The following FRMD6 variants were observed in gnomAD, a reference collection of about 807,000 sequenced individuals.
The protein encoded by FRMD6 is FERM domain containing 6, also known as FERM domain-containing protein 6.
Under a neutral mutation model 73.2 loss-of-function variants are expected in FRMD6, and 37 were observed. The observed-to-expected ratio is 0.51, with a 90% CI of 0.39 to 0.66. The LOEUF is 0.66. Ranked by LOEUF, FRMD6 falls within the 30% of genes least tolerant of loss-of-function variation. FRMD6 has a pLI of 0.00. For missense variants in FRMD6, 714 were observed against 780.5 expected, an observed-to-expected ratio of 0.91 and a Z score of 1.02; for synonymous variants, 273 against 282.2, an observed-to-expected ratio of 0.97 and a Z score of 0.33.
intron 2 of FRMD6, among the ~76,000 whole-genome samples, chr14:51,615,685 G>A (rs1036911313): frequency 6.6e-6 from 1 of 152,150 alleles, no homozygotes; most frequent in African/African-American, 2.4e-5. Flanking sequence ...TCAAGGAGCT[G>A]ATATTTGAAA....
intron 2 of FRMD6, among the ~76,000 whole-genome samples, chr14:51,641,601 C>T (rs1408993153): frequency 1.3e-5 from 2 of 152,046 alleles, no homozygotes; most frequent in African/African-American, 2.4e-5. Flanking sequence ...TCTTTAGGTC[C>T]CAAAGACATG....
the FRMD6 span, among the ~76,000 whole-genome samples, chr14:51,399,970 A>G: frequency 6.6e-6 from 1 of 152,052 alleles, no homozygotes; most frequent in Admixed American, 6.5e-5. Context: ...CCTTTTTTAA[A>G]AAAAGTTTTA....
At chr14:51,683,447 T>A (rs1865823574) in intron 1 of FRMD6, among the ~76,000 whole-genome samples, 1 of 56,116 alleles carries the variant, frequency 1.8e-5, no homozygotes, top group African/African-American at 8.6e-5. Flanking sequence ...GCTCAGCTAT[T>A]TTTTTTTTTT....
chr14:51,462,335 G>A, the FRMD6 span, among the ~76,000 whole-genome samples: 1 of 152,210 alleles, frequency 6.6e-6, no homozygotes, highest in South Asian at 2.1e-4. Flanking sequence ...ATACAAATGA[G>A]TGGATGTATG....
At chr14:51,552,815 G>C (rs1886916154) in intron 1 of FRMD6, among the ~76,000 whole-genome samples, 1 of 152,218 alleles carries the variant, frequency 6.6e-6, no homozygotes, top group African/African-American at 2.4e-5. Context: ...AAAGACCCCA[G>C]TTACTCAAAT....
chr14:51,461,283 T>C, the FRMD6 span, among the ~76,000 whole-genome samples: 2,885 of 152,314 alleles, frequency 0.019, 82 homozygotes, highest in African/African-American at 0.061. Flanking sequence ...ACCATTGAAC[T>C]TGCCTATGAT....
Position 51,501,707 on chromosome 14 carries a change from A to AAT in FRMD6, c.-210+12300_-210+12301dup, listed in dbSNP as rs779214289. The stretch of plus-strand genomic sequence containing the variant: ...CATGCATGTTTCTTTATAATAAAAC[A>AAT]ATATATATATATATCCTTTTGGATA... On this transcript the variant is annotated intron_variant, in intron 1 of 14. Transcript: ENST00000356218. Among the ~76,000 whole-genome samples the AAT allele has an allele frequency of 2.6e-4, 39 of 151,354 alleles. 1 individual carries two copies. The highest frequency in any genetic ancestry group is 6.8e-3 in the Middle Eastern group (2 of 294).
intron 2 of FRMD6, among the ~76,000 whole-genome samples, chr14:51,692,347 T>C (rs533100594): frequency 1.4e-4 from 22 of 152,368 alleles, no homozygotes; most frequent in African/African-American, 5.3e-4. Flanking sequence ...GAATATTTTG[T>C]TTTACTTTTT....
intron 2 of FRMD6, among the ~76,000 whole-genome samples, chr14:51,604,526 G>T (rs773933788): frequency 1.3e-5 from 2 of 151,980 alleles, no homozygotes; most frequent in African/African-American, 2.4e-5. Flanking sequence ...AGAAATCATT[G>T]GATATAATTG....
intron 1 of FRMD6, among the ~76,000 whole-genome samples, chr14:51,496,972 C>T (rs1883330084): frequency 6.6e-6 from 1 of 152,154 alleles, no homozygotes; most frequent in Non-Finnish European, 1.5e-5. Context: ...GCCCCCTGTT[C>T]ATTTCCTCTA....
Position 51,508,955 on chromosome 14 carries a change from A to T in FRMD6, c.-210+19535A>T, listed in dbSNP as rs2140245808. On this transcript the variant is annotated intron_variant, in intron 1 of 14. Transcript: ENST00000356218. The stretch of plus-strand genomic sequence containing the variant: ...AATGGAGTCCAACAGATCAAGAATG[A>T]CTATGAATGACTGAGGCTTATATGT... Among the ~76,000 whole-genome samples the T allele has an allele frequency of 1.3e-5, 2 of 152,328 alleles. 1 individual carries two copies. The highest frequency in any genetic ancestry group is 4.1e-4 in the South Asian group (2 of 4,828).
intron 1 of FRMD6, among the ~76,000 whole-genome samples, chr14:51,550,377 A>G (rs1209216997): frequency 6.6e-6 from 1 of 152,022 alleles, no homozygotes; most frequent in Non-Finnish European, 1.5e-5. Context: ...ATGTCTTTTT[A>G]TCATTGGCTC....
At chr14:51,535,589 G>A (rs1427700948) in intron 1 of FRMD6, among the ~76,000 whole-genome samples, 3 of 152,172 alleles carry the variant, frequency 2.0e-5, no homozygotes, top group South Asian at 2.1e-4. Context: ...AATATTCCAC[G>A]ATGTGGATAT....
At chr14:51,620,324 C>T (rs568629100) in intron 2 of FRMD6, among the ~76,000 whole-genome samples, 54 of 152,130 alleles carry the variant, frequency 3.5e-4, no homozygotes, top group African/African-American at 1.3e-3. Context: ...ATACAGCTGC[C>T]AGCAGTAACT....
At chr14:51,424,548 C>T in the FRMD6 span, among the ~76,000 whole-genome samples, 1 of 152,192 alleles carries the variant, frequency 6.6e-6, no homozygotes, top group African/African-American at 2.4e-5. Flanking sequence ...TTTTGTTAGC[C>T]TCCTGTGGAT....
the FRMD6 span, among the ~76,000 whole-genome samples, chr14:51,415,738 C>T: frequency 2.0e-5 from 3 of 152,164 alleles, no homozygotes; most frequent in Non-Finnish European, 4.4e-5. Context: ...GTACCAGCTC[C>T]TCTTTGTACC....
chr14:51,674,478 CA>C (rs1213563289), intron 1 of FRMD6, among the ~76,000 whole-genome samples: 3 of 152,086 alleles, frequency 2.0e-5, no homozygotes, highest in African/African-American at 7.2e-5. Flanking sequence ...TGGGTTTCTC[CA>C]GGATAAATGT....
intron 1 of FRMD6, among the ~76,000 whole-genome samples, chr14:51,683,656 A>G (rs1400915919): frequency 1.3e-5 from 2 of 152,096 alleles, no homozygotes; most frequent in East Asian, 1.9e-4. Flanking sequence ...TATATCCATT[A>G]TCTCATTTAA....
intron 1 of FRMD6, among the ~76,000 whole-genome samples, chr14:51,526,874 C>T (rs745527830): frequency 2.6e-5 from 4 of 152,196 alleles, no homozygotes; most frequent in Non-Finnish European, 2.9e-5. Flanking sequence ...TAAAGTCTTC[C>T]TAAATGAATT....
Sources: allele counts gnomAD v4.1 joint callset (sites outside exome capture counted in the v4.1 genomes callset), GRCh38; gene constraint gnomAD v4.1.1; transcripts MANE v1.5; gene names NCBI Gene and HGNC (gene_info 2026-07-23, HGNC 2026-07-21).